Variants in CCDC40 observed in about 807,000 individuals in gnomAD.
The protein encoded by CCDC40 is coiled-coil domain-containing protein 40.
CCDC40 carries 104 observed loss-of-function variants against 124.5 expected under a neutral mutation model. The observed-to-expected ratio is 0.84, with a 90% CI of 0.71 to 0.98. The LOEUF (loss-of-function observed/expected upper bound fraction) is 0.98. Ranked by LOEUF, CCDC40 falls within the 50% of genes least tolerant of loss-of-function variation. The pLI, the probability that CCDC40 is intolerant of heterozygous loss-of-function variation, is 0.00. For missense variants in CCDC40, 1,463 were observed against 1,503.9 expected (o/e 0.97, Z 0.45); for synonymous variants, 580 against 602.9 (o/e 0.96, Z 0.56).
intron 7 of CCDC40, among the ~76,000 whole-genome samples, chr17:80,057,274 G>A (rs2037773419): frequency 6.6e-6 from 1 of 151,752 alleles, no homozygotes; most frequent in Non-Finnish European, 1.5e-5. Flanking sequence ...TTTGAGTAGA[G>A]ACAGGGTTTC....
In CCDC40 at chr17:80,040,117, C is replaced by T. The variant is rs371207249; in HGVS notation, c.399C>T (p.Ser133=). 23 of 1,613,952 alleles carry T rather than the reference C, an allele frequency of 1.4e-5. No individual in the cohort carries two copies. Among genetic ancestry groups the T allele is most frequent in the Admixed American group, 5.0e-5 (3 of 59,996 alleles). ...GAGAGGAGGCATACGATAGTGTTAG[C>T]GGGGAGGCTGGTCTCCAAGGCTTCC... ...LPGEEAYDSV[S]GEAGLQGFQQ... is the part of the protein sequence containing the mutation. The change falls in exon 3 of 20, where the codon AGC becomes AGT. Residue 133 remains serine, a synonymous_variant. Coordinates refer to ENST00000397545, the MANE Select transcript of CCDC40 (RefSeq NM_017950.4).
At chr17:80,067,925 G>A (rs980834766) in intron 10 of CCDC40, 2 of 1,298,132 alleles carry the variant, frequency 1.5e-6, no homozygotes, top group Admixed American at 3.5e-5. Context: ...TATTTTAGTG[G>A]ACTATGTACA....
intron 9 of CCDC40, among the ~76,000 whole-genome samples, chr17:80,059,359 G>A (rs566158902): frequency 4.4e-4 from 67 of 152,168 alleles, no homozygotes; most frequent in African/African-American, 1.6e-3. Flanking sequence ...CCGGCCTTCC[G>A]GGTAGCTCCT....
intron 12 of CCDC40, among the ~76,000 whole-genome samples, chr17:80,084,182 T>C (rs2038523782): frequency 6.7e-6 from 1 of 149,792 alleles, no homozygotes; most frequent in African/African-American, 2.5e-5. Context: ...TACCTAAGAC[T>C]GGATAACTGA....
intron 7 of CCDC40, among the ~76,000 whole-genome samples, chr17:80,055,995 TATATATA>T (rs1568682507): frequency 3.7e-4 from 4 of 10,758 alleles, no homozygotes; most frequent in Non-Finnish European, 6.0e-4. Context: ...TATATATATA[TATATATA>T]TATATATATA....
chr17:80,096,670 C>T (rs2038815110), intron 18 of CCDC40, among the ~76,000 whole-genome samples: 1 of 152,158 alleles, frequency 6.6e-6, no homozygotes, highest in African/African-American at 2.4e-5. Context: ...TCCTTGTCCT[C>T]ACCCCTGCCA....
intron 10 of CCDC40, among the ~76,000 whole-genome samples, chr17:80,072,354 C>T (rs2038213559): frequency 6.6e-6 from 1 of 152,130 alleles, no homozygotes; most frequent in Non-Finnish European, 1.5e-5. Flanking sequence ...ATACCATCGA[C>T]TTTCTCTTTT....
chr17:80,036,681 G>T lies in CCDC40; in HGVS notation c.19G>T (p.Ala7Ser). ...ACGGGAAATGGCGGAACCGGGCGGC[G>T]CGGCGGGCCGGTAAGCCGGGCCGAG... MAEPGG[A>S]AGRSHPEDGS... is the part of the protein sequence containing the mutation. The change falls in exon 1 of 20, where the codon GCG becomes TCG. Residue 7 changes from alanine (A) to serine (S), a missense_variant. Coordinates refer to ENST00000397545, the MANE Select transcript of CCDC40 (RefSeq NM_017950.4). 6.8e-7 allele frequency: 1 copy of T among 1,460,620 alleles called. No individual in the cohort carries two copies. The highest frequency in any genetic ancestry group is 9.0e-7 in the Non-Finnish European group (1 of 1,108,356). 90.5% of individuals were successfully genotyped at this position (1,460,620 alleles called of 1,614,324 possible).
chr17:80,075,772 C>T (rs1411077231), intron 10 of CCDC40, among the ~76,000 whole-genome samples: 1 of 151,214 alleles, frequency 6.6e-6, no homozygotes, highest in Non-Finnish European at 1.5e-5. Context: ...AGCCACTGCG[C>T]CCGGCCCCAA....
At chr17:80,037,682 T>TAA (rs1423212184) in intron 1 of CCDC40, among the ~76,000 whole-genome samples, 136 of 96,160 alleles carry the variant, frequency 1.4e-3, no homozygotes, top group Middle Eastern at 9.6e-3. Context: ...CTTTAATTTT[T>TAA]TAAAAAAGAT....
intron 13 of CCDC40, 22 bp downstream of exon 13, chr17:80,085,010 CGTG>C: frequency 6.2e-7 from 1 of 1,612,014 alleles, no homozygotes; most frequent in Non-Finnish European, 8.5e-7. Context: ...GGCAGGGAGA[CGTG>C]GTCCCCGGCT....
At chr17:80,088,339 C>T (rs2038634291) in intron 16 of CCDC40, 1 of 549,314 alleles carries the variant, frequency 1.8e-6, no homozygotes, top group South Asian at 2.0e-5. Context: ...GCAACCTCTG[C>T]CTCCCAGCTT....
Position 80,087,617 on chromosome 17 carries a change from G to A in CCDC40, c.2460G>A (p.Glu820=), listed in dbSNP as rs369702545. 44 of 1,614,010 alleles carry A rather than the reference G, an allele frequency of 2.7e-5. No homozygotes were observed. The highest frequency in any genetic ancestry group is 3.5e-5 in the Non-Finnish European group (41 of 1,179,970). ...QKKLRVESKI[E]QEKKEQKEIE... ...TGTTTTCTGCCATAGGCAAGATTGA[G>A]CAGGAGAAGAAGGAGCAGAAGGAGA... The change falls in exon 15 of 20, where the codon GAG becomes GAA. Residue 820 remains glutamate (E), a synonymous_variant. Transcript: ENST00000397545. This position sits in a 1 kb window ranked among gnomAD's most constrained non-coding sequence, Gnocchi z 4.5.
At chr17:80,056,883 A>G (rs1476351297) in intron 7 of CCDC40, among the ~76,000 whole-genome samples, 1 of 151,600 alleles carries the variant, frequency 6.6e-6, no homozygotes, top group Non-Finnish European at 1.5e-5. Flanking sequence ...ACTAAAAAAA[A>G]AAATACAATT....
chr17:80,064,952 A>G (rs2037998079), intron 9 of CCDC40, among the ~76,000 whole-genome samples: 2 of 152,026 alleles, frequency 1.3e-5, no homozygotes, highest in East Asian at 3.9e-4. Flanking sequence ...GTCCGAATCA[A>G]TGACACCACC....
At chr17:80,095,576 C>T in intron 18 of CCDC40, 125 bp downstream of exon 18, 1 of 847,550 alleles carries the variant, frequency 1.2e-6, no homozygotes. Flanking sequence ...GCGTGCTCAG[C>T]ACTGCTAACC....
chr17:80,097,378 C>T lies in CCDC40; in HGVS notation c.3155C>T (p.Thr1052Ile), dbSNP rs771297279. ...TTCGACACACTCGAGGCCGACCTCA[C>T]CCGGCTTGGGGCCCTCAAACGACAG... is the stretch of plus-strand genomic sequence containing the variant. ...ADFDTLEADL[T>I]RLGALKRQNL... Residue 1052 changes from threonine (T) to isoleucine (I), a missense_variant, in exon 19 of 20, where the codon ACC (threonine) becomes ATC (isoleucine). Transcript: ENST00000397545. The T allele has an allele frequency of 1.4e-5, 23 of 1,613,990 alleles. No homozygotes were observed. The highest frequency in any genetic ancestry group is 1.7e-5 in the Non-Finnish European group (20 of 1,180,034).
At chr17:80,036,758 G>C in intron 1 of CCDC40, 67 bp downstream of exon 1, 1 of 1,423,234 alleles carries the variant, frequency 7.0e-7, no homozygotes, top group Non-Finnish European at 9.3e-7. Context: ...ACCGCTCCAG[G>C]TGGCCCCCGC....
In CCDC40 at chr17:80,044,069, CTGTGT is replaced by C. The variant is rs1474363230; in HGVS notation, c.553-3206_553-3202del. Among the ~76,000 whole-genome samples the C allele has an allele frequency of 2.6e-5, 4 of 152,248 alleles. No homozygotes were observed. In the East Asian group the frequency reaches 7.8e-4, roughly 30 times the overall value. On this transcript the variant is annotated intron_variant, in intron 3 of 19. Coordinates refer to ENST00000397545, the MANE Select transcript of CCDC40 (RefSeq NM_017950.4). ...CACTGACTATGGGATAGACACTGTT[CTGTGT>C]TGTCTTAGAATCCTGACAACCCTAC...
Sources: allele counts gnomAD v4.1 joint callset (sites outside exome capture counted in the v4.1 genomes callset), GRCh38; gene constraint gnomAD v4.1.1; non-coding constraint Gnocchi (gnomAD v3.1); transcripts MANE v1.5; gene names NCBI Gene and HGNC (gene_info 2026-07-23, HGNC 2026-07-21).